The following ANKRD17 variants were observed in gnomAD, a reference collection of about 807,000 sequenced individuals.
ANKRD17 encodes the protein ankyrin repeat domain-containing protein 17.
A neutral mutation model predicts 229.7 loss-of-function variants in ANKRD17; 19 were observed. The ratio of observed to expected loss-of-function variants is 0.08; its 90% CI spans 0.06 to 0.12. ANKRD17 has a LOEUF of 0.12. Ranked by LOEUF, ANKRD17 falls within the 10% of genes least tolerant of loss-of-function variation. The pLI is 1.00. For missense variants in ANKRD17, 2,176 were observed against 3,176.8 expected (o/e 0.68, Z 7.57); for synonymous variants, 1,112 against 1,146.1 (o/e 0.97, Z 0.60).
intron 29 of ANKRD17, among the ~76,000 whole-genome samples, chr4:73,088,172 A>G (rs1722398120): frequency 6.6e-6 from 1 of 152,216 alleles, no homozygotes; most frequent in African/African-American, 2.4e-5. Context: ...AATACAAATA[A>G]TCAAATTATT....
intron 23 of ANKRD17, 111 bp downstream of exon 23, chr4:73,115,710 T>C: frequency 1.3e-6 from 1 of 746,164 alleles, no homozygotes; most frequent in Non-Finnish European, 2.2e-6. Flanking sequence ...AAATACTAGA[T>C]AAATGAAAAT....
At chr4:73,135,043 TCTCTGAAAG>T in intron 16 of ANKRD17, 65 bp downstream of exon 16, 1 of 1,442,998 alleles carries the variant, frequency 6.9e-7, no homozygotes. Context: ...ATGGTTTAAA[TCTCTGAAAG>T]TTAATGTTTT....
chr4:73,185,168 T>C (rs1736124165), intron 1 of ANKRD17, among the ~76,000 whole-genome samples: 1 of 151,504 alleles, frequency 6.6e-6, no homozygotes, highest in South Asian at 2.1e-4. Context: ...CCATCTGATG[T>C]TTTCCGAAGA....
intron 1 of ANKRD17, among the ~76,000 whole-genome samples, chr4:73,238,384 G>A (rs538612130): frequency 1.4e-4 from 22 of 152,272 alleles, no homozygotes; most frequent in African/African-American, 5.3e-4. Flanking sequence ...CTTACTGTAA[G>A]AGGTAATCTA....
At chr4:73,141,080 T>A (rs1238871419) in intron 14 of ANKRD17, among the ~76,000 whole-genome samples, 1 of 152,188 alleles carries the variant, frequency 6.6e-6, no homozygotes, top group Non-Finnish European at 1.5e-5. Context: ...TACTTAGCAT[T>A]CTTGTTCATA....
intron 27 of ANKRD17, among the ~76,000 whole-genome samples, chr4:73,095,671 G>A (rs1723216250): frequency 6.7e-6 from 1 of 149,230 alleles, no homozygotes; most frequent in Non-Finnish European, 1.5e-5. Context: ...TAAACATTCA[G>A]ATATAGATTA....
rs200780035 is a variant in ANKRD17, at chr4:73,156,174, G to A, written c.705-8C>T. 3.4e-5 allele frequency: 54 copies of A among 1,583,988 alleles called. 1 individual carries two copies. In the African/African-American group the frequency reaches 4.4e-4, roughly 13 times the overall value. On this transcript the variant is annotated splice_polypyrimidine_tract_variant and splice_region_variant and intron_variant, in intron 3 of 33. Transcript: ENST00000358602. Reference sequence around the variant, plus strand: ...GCTTCTGCCAAACTGCGGCTATTACGGAAAGAATATCACAATACCAGAATA... The same window carrying A: ...GCTTCTGCCAAACTGCGGCTATTACAGAAAGAATATCACAATACCAGAATA...
chr4:73,161,356 A>G lies in ANKRD17; in HGVS notation c.548-8T>C, dbSNP rs750340777. 5.0e-6 allele frequency: 8 copies of G among 1,613,644 alleles called. No homozygotes were observed. Among genetic ancestry groups the G allele is most frequent in the Non-Finnish European group, 5.9e-6 (7 of 1,179,842 alleles). Reference sequence around the variant, plus strand: ...TGGACAATTTTCCTATTCCTATTATATTATTTTCACACCAATATGGACACA... The same window carrying G: ...TGGACAATTTTCCTATTCCTATTATGTTATTTTCACACCAATATGGACACA... On this transcript the variant is annotated splice_region_variant and splice_polypyrimidine_tract_variant and intron_variant, in intron 2 of 33. Coordinates refer to ENST00000358602, the MANE Select transcript of ANKRD17 (RefSeq NM_032217.5).
intron 15 of ANKRD17, among the ~76,000 whole-genome samples, chr4:73,139,004 T>G (rs1729272982): frequency 6.6e-6 from 1 of 151,970 alleles, no homozygotes; most frequent in Non-Finnish European, 1.5e-5. Context: ...TACAGTATAA[T>G]TAAACCCTAT....
chr4:73,078,408 C>G (rs923652464), intron 31 of ANKRD17, among the ~76,000 whole-genome samples: 3 of 151,926 alleles, frequency 2.0e-5, no homozygotes, highest in African/African-American at 7.3e-5. Flanking sequence ...CATGGTGGCG[C>G]ATGCCTGTAA....
At chr4:73,157,150 T>A (rs1398476727) in intron 3 of ANKRD17, among the ~76,000 whole-genome samples, 1 of 152,098 alleles carries the variant, frequency 6.6e-6, no homozygotes, top group African/African-American at 2.4e-5. Flanking sequence ...CAGTAGAAAA[T>A]TTTTTATAAA....
intron 3 of ANKRD17, 51 bp downstream of exon 3, chr4:73,161,138 GTTA>G (rs1374100121): frequency 2.3e-5 from 36 of 1,588,574 alleles, no homozygotes; most frequent in Middle Eastern, 1.7e-4. Context: ...TTAGCTATTT[GTTA>G]TTATTTTTAA....
intron 30 of ANKRD17, among the ~76,000 whole-genome samples, chr4:73,082,272 C>A (rs1381370853): frequency 6.6e-6 from 1 of 151,664 alleles, no homozygotes; most frequent in Non-Finnish European, 1.5e-5. Context: ...GAGTTCAAGT[C>A]CAGTCTGGGC....
intron 22 of ANKRD17, 108 bp from the exon 23 acceptor site, chr4:73,116,024 A>C (rs1725897096): frequency 1.2e-6 from 1 of 855,570 alleles, no homozygotes; most frequent in Admixed American, 1.9e-5. Flanking sequence ...AGTAAAGACT[A>C]AATTGCATAT....
intron 14 of ANKRD17, among the ~76,000 whole-genome samples, chr4:73,141,044 T>C (rs1224926004): frequency 6.6e-6 from 1 of 152,160 alleles, no homozygotes; most frequent in Non-Finnish European, 1.5e-5. Context: ...AGGTTGATAG[T>C]AGTGACTGAA....
In ANKRD17 at chr4:73,077,431, C is replaced by T. The variant is rs1397986373; in HGVS notation, c.7511G>A (p.Ser2504Asn). Residue 2504 changes from serine (S) to asparagine (N), a missense_variant, in exon 32 of 34, where the codon AGT becomes AAT. By Grantham distance (46) the Ser-to-Asn change is conservative. Around this residue, in one of 18 missense-constraint regions of ANKRD17, gnomAD observed 159 missense variants for 214.3 expected, o/e 0.74. Transcript: ENST00000358602. ...ACCAGAAGGAGTTACAATTCCTGTACTATCTCGCTCCATTGCTTGATGTTG... is the reference window on the plus strand; with the variant it reads ...ACCAGAAGGAGTTACAATTCCTGTATTATCTCGCTCCATTGCTTGATGTTG... ...FSQHQAMERD[S>N]TGIVTPSGTF... is the part of the protein sequence containing the mutation. The T allele has an allele frequency of 4.3e-6, 7 of 1,613,860 alleles. No individual in the cohort carries two copies. The highest frequency in any genetic ancestry group is 5.9e-6 in the Non-Finnish European group (7 of 1,179,874).
chr4:73,106,266 T>C (rs1237555078), intron 24 of ANKRD17, among the ~76,000 whole-genome samples: 1 of 151,842 alleles, frequency 6.6e-6, no homozygotes, highest in African/African-American at 2.4e-5. Flanking sequence ...TAAATAAAAA[T>C]AACTTCACTG....
In ANKRD17 at chr4:73,097,159, C is replaced by T. The variant is rs139064430; in HGVS notation, c.5135G>A (p.Arg1712His). 5.6e-6 allele frequency: 9 copies of T among 1,610,832 alleles called. No homozygotes were observed. Among genetic ancestry groups the T allele is most frequent in the African/African-American group, 5.4e-5 (4 of 74,722 alleles). Reference sequence around the variant, plus strand: ...CCATCCTTCTTCCCTCTTTTGCCCACGCTTAGGACTTGCTACTGTTAACTT... The same window carrying T: ...CCATCCTTCTTCCCTCTTTTGCCCATGCTTAGGACTTGCTACTGTTAACTT... ...NGKLTVASPK[R>H]GQKREEGWKE... The change falls in exon 27 of 34, where the codon CGT becomes CAT. Residue 1712 changes from arginine to histidine, a missense_variant. Arg to His is a conservative substitution (Grantham distance 29, BLOSUM62 0). Coordinates refer to ENST00000358602, the MANE Select transcript of ANKRD17 (RefSeq NM_032217.5).
At chr4:73,150,487 T>C (rs1730868583) in intron 7 of ANKRD17, among the ~76,000 whole-genome samples, 1 of 152,290 alleles carries the variant, frequency 6.6e-6, no homozygotes, top group African/African-American at 2.4e-5. Flanking sequence ...CAGAGAAAGA[T>C]ATTTTCCTCA....
Sources: allele counts gnomAD v4.1 joint callset (sites outside exome capture counted in the v4.1 genomes callset), GRCh38; gene constraint gnomAD v4.1.1; regional missense constraint gnomAD v4.1.1; transcripts MANE v1.5; gene names NCBI Gene and HGNC (gene_info 2026-07-23, HGNC 2026-07-21).